STAG3: variants seen among roughly 807,000 people sequenced by gnomAD.
STAG3 encodes cohesin subunit SA-3.
STAG3 carries 101 observed loss-of-function variants against 160.7 expected under a neutral mutation model. That is an observed-to-expected ratio of 0.63 (90% CI 0.54 to 0.74). The LOEUF is 0.74. Among genes scored for constraint, STAG3 ranks in the 30% least tolerant of loss-of-function variants. The probability of loss-of-function intolerance (pLI) is 0.00; values close to 1 mark genes in which losing one functional copy is unlikely to be tolerated. For synonymous variants in STAG3, 519 were observed against 585.0 expected (o/e 0.89, Z 1.63); for missense variants, 1,188 against 1,517.4 (o/e 0.78, Z 3.61).
Position 100,202,354 on chromosome 7 carries a change from A to G in STAG3, c.2563+14A>G. 1 of 1,613,140 alleles carries G rather than the reference A, an allele frequency of 6.2e-7. No homozygotes were observed. Among genetic ancestry groups the G allele is most frequent in the African/African-American group, 1.3e-5 (1 of 74,974 alleles). On this transcript the variant is annotated intron_variant, in intron 24 of 33. Coordinates refer to ENST00000615138, the MANE Select transcript of STAG3 (RefSeq NM_001282717.2). ...ACCTGGGCAGTGGTGCAGTGACTCT[A>G]TACCTGGGGCTCAGTAAGGGCTGGG...
At position 100,202,327 on chromosome 7, in the gene STAG3, A is replaced by T; in HGVS notation, c.2550A>T (p.Gly850=). The stretch of plus-strand genomic sequence containing the variant: ...TGGACCACGTCTTCATCCAGCCGGG[A>T]GACCTGGGCAGTGGTGCAGTGACTC... ...FLMDHVFIQP[G]DLGSGDSQED... The change falls in exon 24 of 34, where the codon GGA becomes GGT. Residue 850 remains glycine (G), a synonymous_variant. Coordinates refer to ENST00000615138, the MANE Select transcript of STAG3 (RefSeq NM_001282717.2). The T allele has an allele frequency of 6.2e-7, 1 of 1,614,074 alleles. No individual in the cohort carries two copies. Among genetic ancestry groups the T allele is most frequent in the Non-Finnish European group, 8.5e-7 (1 of 1,180,018 alleles).
chr7:100,188,381 C>T (rs1584671782), intron 5 of STAG3, 72 bp from the exon 6 acceptor site: 1 of 1,008,858 alleles, frequency 9.9e-7, no homozygotes, highest in East Asian at 2.4e-5. Context: ...TGCTCATCTT[C>T]AGGTATATCT....
At chr7:100,182,012 G>A (rs541006314) in intron 2 of STAG3, 78 bp from the exon 3 acceptor site, 28 of 1,080,710 alleles carry the variant, frequency 2.6e-5, no homozygotes, top group East Asian at 4.9e-5. Context: ...GTGAGAGACA[G>A]AGAAACCATA....
chr7:100,186,837 C>T (rs1050518279), intron 5 of STAG3, among the ~76,000 whole-genome samples: 15 of 152,096 alleles, frequency 9.9e-5, no homozygotes, highest in African/African-American at 2.7e-4. Flanking sequence ...TTTGAAGACA[C>T]CCTTTGGTCT....
intron 29 of STAG3, 110 bp downstream of exon 29, chr7:100,205,494 A>C (rs1420411659): frequency 8.5e-7 from 1 of 1,173,518 alleles, no homozygotes; most frequent in Non-Finnish European, 1.2e-6. Flanking sequence ...CAGGGTATTA[A>C]TTTCTTTCAA....
intron 8 of STAG3, 24 bp from the exon 9 acceptor site, chr7:100,195,285 A>T: frequency 6.2e-7 from 1 of 1,610,000 alleles, no homozygotes; most frequent in Non-Finnish European, 8.5e-7. Context: ...AAGAAAGATT[A>T]ACCCGTTTCT....
At chr7:100,213,291 G>T in intron 32 of STAG3, 1 of 984,510 alleles carries the variant, frequency 1.0e-6, no homozygotes, top group Non-Finnish European at 1.2e-6. Flanking sequence ...GGTTTAGGGG[G>T]ACACAGATAT....
rs1455838272 is a variant in STAG3 at position 100,200,514 on chromosome 7, A to G, written c.1832A>G (p.His611Arg). ...LLQLLSCFDL[H>R]IYCTGRLEKH... ...CAGCTTCTCAGCTGCTTTGACCTCC[A>G]CATCTACTGCACTGGGCGCTTGGAG... The change falls in exon 18 of 34, where the codon CAC (histidine) becomes CGC (arginine). Residue 611 changes from histidine (H) to arginine (R), a missense_variant. Around this residue, in one of 4 missense-constraint regions of STAG3, gnomAD observed 240 missense variants for 358.1 expected, o/e 0.67. Coordinates refer to ENST00000615138, the MANE Select transcript of STAG3 (RefSeq NM_001282717.2). The G allele has an allele frequency of 6.2e-7, 1 of 1,614,022 alleles. No individual in the cohort carries two copies. Among genetic ancestry groups the G allele is most frequent in the South Asian group, 1.1e-5 (1 of 91,070 alleles).
intron 26 of STAG3, 133 bp from the exon 27 acceptor site, chr7:100,204,494 G>A (rs928453327): frequency 8.9e-7 from 1 of 1,119,912 alleles, no homozygotes; most frequent in African/African-American, 1.6e-5. Flanking sequence ...TTCCCTAGAA[G>A]GAAGGAAAGA....
chr7:100,200,397 A>T, intron 17 of STAG3, 56 bp from the exon 18 acceptor site: 1 of 1,612,086 alleles, frequency 6.2e-7, no homozygotes, highest in South Asian at 1.1e-5. Flanking sequence ...TGGGGGTGGG[A>T]GTAGGAATTA....
chr7:100,186,066 A>G lies in STAG3; in HGVS notation c.337-134A>G, dbSNP rs537595175. 39 of 762,292 alleles carry G rather than the reference A, an allele frequency of 5.1e-5. No homozygotes were observed. In the African/African-American group the frequency reaches 6.6e-4, roughly 13 times the overall value. The allele number at this position is 762,292 out of a possible 1,614,324, so 47.2% of individuals were successfully genotyped here. ...TATATGAAATTTTACCTTTCATTCT[A>G]GTTCACCAGTACATTGTGAAAGATG... On this transcript the variant is annotated intron_variant, in intron 4 of 33. Coordinates refer to ENST00000615138, the MANE Select transcript of STAG3 (RefSeq NM_001282717.2).
Position 100,202,313 on chromosome 7 carries a change from T to A in STAG3, c.2536T>A (p.Phe846Ile). 1 of 1,614,158 alleles carries A rather than the reference T, an allele frequency of 6.2e-7. No homozygotes were observed. Among genetic ancestry groups the A allele is most frequent in the Non-Finnish European group, 8.5e-7 (1 of 1,180,028 alleles). Residue 846 changes from phenylalanine to isoleucine, a missense_variant, in exon 24 of 34, where the codon TTC becomes ATC. By Grantham distance (21) the Phe-to-Ile change is conservative (BLOSUM62 0). This residue lies in a region of STAG3 where 647 missense variants were observed against 717.2 expected (regional missense o/e 0.90). Coordinates refer to ENST00000615138, the MANE Select transcript of STAG3 (RefSeq NM_001282717.2). ...AGCCAGCTTCCTCATGGACCACGTC[T>A]TCATCCAGCCGGGAGACCTGGGCAG... is the stretch of plus-strand genomic sequence containing the variant. ...ELASFLMDHV[F>I]IQPGDLGSGD...
chr7:100,185,434 A>C (rs912298359), intron 4 of STAG3, among the ~76,000 whole-genome samples: 12 of 151,962 alleles, frequency 7.9e-5, no homozygotes, highest in Admixed American at 2.0e-4. Context: ...GTCTCTACTA[A>C]AAATACAAAA....
intron 30 of STAG3, 60 bp from the exon 31 acceptor site, chr7:100,211,375 C>T (rs1471385557): frequency 1.9e-6 from 3 of 1,570,546 alleles, no homozygotes; most frequent in African/African-American, 2.7e-5. Context: ...ACACCAGCTG[C>T]CTTACATCCT....
At position 100,211,828 on chromosome 7, in the gene STAG3, G is replaced by A. The variant is rs755500918; in HGVS notation, c.3552G>A (p.Glu1184=). The change falls in exon 32 of 34, where the codon GAG becomes GAA. Residue 1184 remains glutamate, a synonymous_variant. Coordinates refer to ENST00000615138, the MANE Select transcript of STAG3 (RefSeq NM_001282717.2). ...LSLMEEDEEE[E]LEIQDESNEE... ...TTATGGAAGAGGACGAGGAAGAAGA[G>A]TTAGAAATCCAGGATGAGTCAAATG... 1.2e-5 allele frequency: 19 copies of A among 1,614,026 alleles called. No individual in the cohort carries two copies. The highest frequency in any genetic ancestry group is 1.6e-5 in the Non-Finnish European group (19 of 1,180,038).
At chr7:100,216,656 C>T (rs1802775383), downstream of STAG3, among the ~76,000 whole-genome samples, 1 of 151,856 alleles carries the variant, frequency 6.6e-6, no homozygotes, top group South Asian at 2.1e-4. Context: ...ACAAAATTAG[C>T]TGGGTGTGGT....
At chr7:100,182,895 G>A in intron 4 of STAG3, 56 bp downstream of exon 4, 6 of 1,594,668 alleles carry the variant, frequency 3.8e-6, no homozygotes, top group Non-Finnish European at 5.2e-6. Context: ...AGGTGGTAAG[G>A]ACAAGTGTCT....
At position 100,189,558 on chromosome 7, in the gene STAG3, C is replaced by A; in HGVS notation, c.829C>A (p.Pro277Thr). 6.2e-7 allele frequency: 1 copy of A among 1,614,046 alleles called. No individual in the cohort carries two copies. The highest frequency in any genetic ancestry group is 8.5e-7 in the Non-Finnish European group (1 of 1,179,984). ...ERNKGPGQRAPERLESLLEKR... is the reference protein window; with the variant it reads ...ERNKGPGQRATERLESLLEKR... ...AAACAAGGGGCCAGGGCAGAGGGCA[C>A]CTGAGCGGCTGGAGAGCCTGTTGGA... The change falls in exon 8 of 34, where the codon CCT becomes ACT. Residue 277 changes from proline to threonine, a missense_variant. Pro to Thr is a conservative substitution (Grantham distance 38). Transcript: ENST00000615138.
intron 1 of STAG3, 33 bp downstream of exon 1, chr7:100,178,038 A>T (rs1799383764): frequency 6.7e-6 from 1 of 148,344 alleles, no homozygotes; most frequent in Non-Finnish European, 1.5e-5. Context: ...GCTCGGCCAG[A>T]AGTCACTCTT....
Sources: allele counts gnomAD v4.1 joint callset (sites outside exome capture counted in the v4.1 genomes callset), GRCh38; gene constraint gnomAD v4.1.1; regional missense constraint gnomAD v4.1.1; transcripts MANE v1.5; gene names NCBI Gene and HGNC (gene_info 2026-07-23, HGNC 2026-07-21).